Variants in PTPRK observed in about 807,000 individuals in gnomAD.
The protein encoded by PTPRK is receptor-type tyrosine-protein phosphatase kappa.
In PTPRK, 75 loss-of-function variants were observed where a neutral mutation model predicts 178.0. That is an observed-to-expected ratio of 0.42 (90% confidence interval 0.35 to 0.51). The LOEUF (loss-of-function observed/expected upper bound fraction) is 0.51, where lower values mean the gene tolerates loss of function less well. Among genes scored for constraint, PTPRK ranks in the 20% least tolerant of loss-of-function variants. PTPRK has a pLI of 0.02. For missense variants in PTPRK, 1,441 were observed against 1,797.8 expected (o/e 0.80, Z 3.59); for synonymous variants, 637 against 620.6 (o/e 1.03, Z -0.39).
At chr6:128,314,555 T>G (rs1175397008) in intron 3 of PTPRK, among the ~76,000 whole-genome samples, 1 of 152,222 alleles carries the variant, frequency 6.6e-6, no homozygotes, top group Non-Finnish European at 1.5e-5. Flanking sequence ...CAATTCTGTC[T>G]CTTTTCTACT....
chr6:128,330,891 A>C (rs1478218404), intron 2 of PTPRK, among the ~76,000 whole-genome samples: 1 of 151,460 alleles, frequency 6.6e-6, no homozygotes, highest in African/African-American at 2.4e-5. Context: ...AAAACAAAAC[A>C]AAACAAAACA....
intron 13 of PTPRK, chr6:128,062,528 C>T (rs992552164): frequency 3.6e-5 from 6 of 167,118 alleles, no homozygotes; most frequent in East Asian, 1.9e-4. Context: ...ATCTCGATCA[C>T]GAAAATTTAG....
Position 128,195,156 on chromosome 6 carries a change from A to G in PTPRK, c.869-10431T>C, listed in dbSNP as rs565025232. On this transcript the variant is annotated intron_variant, in intron 6 of 29. Coordinates refer to ENST00000368226, the MANE Select transcript of PTPRK (RefSeq NM_002844.4). Reference sequence around the variant, plus strand: ...GTAAAATGTCATCAGCCTAAATTCCAAATTTTAAGAAATTTGAAACCTATG... The same window carrying G: ...GTAAAATGTCATCAGCCTAAATTCCGAATTTTAAGAAATTTGAAACCTATG... Among the ~76,000 whole-genome samples the G allele has an allele frequency of 1.6e-3, 236 of 152,104 alleles. 5 individuals carry two copies. Among genetic ancestry groups the G allele is most frequent in the South Asian group, 6.2e-3 (30 of 4,824 alleles).
chr6:128,265,456 T>C (rs904879887), intron 3 of PTPRK, among the ~76,000 whole-genome samples: 1 of 152,188 alleles, frequency 6.6e-6, no homozygotes, highest in Admixed American at 6.6e-5. Context: ...TAAATATTAA[T>C]TCATTTGGTT....
chr6:128,032,367 A>G (rs1775488851), intron 13 of PTPRK, among the ~76,000 whole-genome samples: 1 of 152,086 alleles, frequency 6.6e-6, no homozygotes, highest in African/African-American at 2.4e-5. Context: ...TGCCTGCACT[A>G]GTTTAGCCAG....
intron 15 of PTPRK, among the ~76,000 whole-genome samples, chr6:128,004,001 C>T (rs1326422791): frequency 6.6e-6 from 1 of 151,760 alleles, no homozygotes; most frequent in Non-Finnish European, 1.5e-5. Flanking sequence ...AAAATTTCTC[C>T]AAGCTGAACA....
At chr6:127,996,410 A>G (rs533886053) in intron 17 of PTPRK, among the ~76,000 whole-genome samples, 2 of 152,208 alleles carry the variant, frequency 1.3e-5, no homozygotes, top group South Asian at 4.1e-4. Flanking sequence ...GGCTGAGTCA[A>G]TTTAATTAAT....
At chr6:128,452,655 G>T (rs1294633507) in intron 1 of PTPRK, among the ~76,000 whole-genome samples, 1 of 152,058 alleles carries the variant, frequency 6.6e-6, no homozygotes, top group Admixed American at 6.6e-5. Context: ...ATCATGATTA[G>T]TCAATACCTT....
chr6:128,173,081 G>A (rs1166084425), intron 7 of PTPRK, among the ~76,000 whole-genome samples: 4 of 151,920 alleles, frequency 2.6e-5, no homozygotes, highest in Non-Finnish European at 4.4e-5. Flanking sequence ...GTATGCCTGG[G>A]ATTGGATGAT....
At chr6:128,009,980 C>T (rs1778872705) in intron 13 of PTPRK, among the ~76,000 whole-genome samples, 1 of 151,170 alleles carries the variant, frequency 6.6e-6, no homozygotes, top group South Asian at 2.1e-4. Flanking sequence ...ACTCATCATA[C>T]ACACAATCAA....
chr6:128,048,002 G>T (rs1418576199), intron 13 of PTPRK, among the ~76,000 whole-genome samples: 9 of 152,046 alleles, frequency 5.9e-5, no homozygotes, highest in Non-Finnish European at 1.3e-4. Context: ...TAGGTAAAAG[G>T]GATGAGTTGG....
intron 1 of PTPRK, among the ~76,000 whole-genome samples, chr6:128,509,316 G>A (rs1856838024): frequency 1.3e-5 from 2 of 152,134 alleles, no homozygotes; most frequent in Admixed American, 6.5e-5. Flanking sequence ...ATACATATAT[G>A]TGAAAAAAGT....
chr6:128,215,437 A>G (rs1809100190), intron 6 of PTPRK, among the ~76,000 whole-genome samples: 1 of 152,248 alleles, frequency 6.6e-6, no homozygotes, highest in Non-Finnish European at 1.5e-5. Context: ...TTTGTAAAAC[A>G]CTGAGCAAAA....
intron 1 of PTPRK, among the ~76,000 whole-genome samples, chr6:128,503,890 A>C (rs1855929955): frequency 7.3e-6 from 1 of 136,924 alleles, no homozygotes; most frequent in Admixed American, 6.9e-5. Flanking sequence ...GTGTGTAGAG[A>C]TAAGGTCTTG....
At position 128,380,553 on chromosome 6, in the gene PTPRK, C is replaced by CACGTGT. The variant is rs1554246047; in HGVS notation, c.223+17012_223+17013insACACGT. On this transcript the variant is annotated intron_variant, in intron 2 of 29. Coordinates refer to ENST00000368226, the MANE Select transcript of PTPRK (RefSeq NM_002844.4). ...ACACACAGACATACACACACACACA[C>CACGTGT]GTGTGTGTGTGTGTGTGTGTGTATG... Among the ~76,000 whole-genome samples, 1,317 of 146,352 alleles carry CACGTGT rather than the reference C, an allele frequency of 9.0e-3. 18 individuals are homozygous for CACGTGT. Among genetic ancestry groups the CACGTGT allele is most frequent in the Non-Finnish European group, 0.013 (858 of 66,038 alleles).
chr6:128,098,311 C>T (rs532632681), intron 7 of PTPRK, among the ~76,000 whole-genome samples: 88 of 152,162 alleles, frequency 5.8e-4, no homozygotes, highest in African/African-American at 2.0e-3. Context: ...GTCTGCTTCC[C>T]CATGCTTTGA....
At chr6:128,474,521 A>G (rs923478803) in intron 1 of PTPRK, among the ~76,000 whole-genome samples, 9 of 152,192 alleles carry the variant, frequency 5.9e-5, no homozygotes, top group East Asian at 1.9e-4. Flanking sequence ...ATATGGCTAT[A>G]TAAGTATCTG....
intron 1 of PTPRK, among the ~76,000 whole-genome samples, chr6:128,414,738 T>C (rs545308362): frequency 6.6e-6 from 1 of 152,324 alleles, no homozygotes; most frequent in East Asian, 1.9e-4. Context: ...CCTAAACGGT[T>C]TTATTAAGTC....
chr6:128,190,484 A>G (rs1803580658), intron 6 of PTPRK, among the ~76,000 whole-genome samples: 1 of 140,568 alleles, frequency 7.1e-6, no homozygotes, highest in Admixed American at 7.0e-5. Context: ...TTCAAGTGAT[A>G]GATACCTTTT....
Sources: allele counts gnomAD v4.1 joint callset (sites outside exome capture counted in the v4.1 genomes callset), GRCh38; gene constraint gnomAD v4.1.1; transcripts MANE v1.5; gene names NCBI Gene and HGNC (gene_info 2026-07-23, HGNC 2026-07-21).